Variants in NEDD4 observed in about 807,000 individuals in gnomAD.
The protein encoded by NEDD4 is E3 ubiquitin-protein ligase NEDD4.
NEDD4 carries 99 observed loss-of-function variants against 144.9 expected under a neutral mutation model. That is an observed-to-expected ratio of 0.68 (90% CI 0.58 to 0.81). NEDD4 has a LOEUF of 0.81. NEDD4 is among the 30% of genes least tolerant of loss of function. NEDD4 has a pLI of 0.00. For synonymous variants in NEDD4, 318 were observed against 350.6 expected (o/e 0.91, Z 1.04); for missense variants, 985 against 1,065.9 (o/e 0.92, Z 1.06).
Position 55,869,563 on chromosome 15 carries a change from A to G in NEDD4, c.507+16T>C. ...TAAAATTTTTTTAGTTTAACCAAATATTTATAAAATCTCACCTCTAATTCC... is the reference window on the plus strand; with the variant it reads ...TAAAATTTTTTTAGTTTAACCAAATGTTTATAAAATCTCACCTCTAATTCC... On this transcript the variant is annotated intron_variant, in intron 8 of 28. Coordinates refer to ENST00000435532, the MANE Select transcript of NEDD4 (RefSeq NM_006154.4). 2 of 1,495,542 alleles carry G rather than the reference A, an allele frequency of 1.3e-6. No individual in the cohort carries two copies. Among genetic ancestry groups the G allele is most frequent in the Non-Finnish European group, 9.1e-7 (1 of 1,103,340 alleles). 92.6% of individuals were successfully genotyped at this position (1,495,542 alleles called of 1,614,324 possible).
At chr15:55,959,415 C>G (rs1195660663) in intron 2 of NEDD4, among the ~76,000 whole-genome samples, 1 of 152,104 alleles carries the variant, frequency 6.6e-6, no homozygotes, top group Non-Finnish European at 1.5e-5. Context: ...CCTATGGACC[C>G]ACACATGGTC....
intron 4 of NEDD4, among the ~76,000 whole-genome samples, chr15:55,936,224 T>G: frequency 6.6e-6 from 1 of 152,156 alleles, no homozygotes; most frequent in African/African-American, 2.4e-5. Flanking sequence ...TCCATAAAGC[T>G]CAGCACACTG....
Position 55,829,994 on chromosome 15 carries a change from TTAAAAC to T in NEDD4, c.2601-1_2605del. On this transcript the variant is annotated splice_acceptor_variant and coding_sequence_variant, in exon 29 of 29. Transcript: ENST00000435532. LOFTEE classifies it high-confidence loss of function. ...TTCATAAGGTGGCAAGTCCAGGCGA[TTAAAAC>T]TGAAAGAACAGAGAGGAAGTGGTTA... 6 of 1,610,718 alleles carry T rather than the reference TTAAAAC, an allele frequency of 3.7e-6. No individual in the cohort carries two copies. The highest frequency in any genetic ancestry group is 5.1e-6 in the Non-Finnish European group (6 of 1,178,338).
chr15:55,849,138 G>A (rs1404311446), intron 14 of NEDD4, among the ~76,000 whole-genome samples: 2 of 152,074 alleles, frequency 1.3e-5, no homozygotes, highest in African/African-American at 2.4e-5. Context: ...CTTTTGCCCC[G>A]CTCTTTAGGA....
intron 5 of NEDD4, among the ~76,000 whole-genome samples, chr15:55,884,840 A>T (rs1162529956): frequency 1.3e-5 from 2 of 152,212 alleles, no homozygotes; most frequent in Admixed American, 1.3e-4. Flanking sequence ...TCGAAGAGGT[A>T]TTGTCTTTAA....
In NEDD4 at chr15:55,833,171, C is replaced by T. The variant is rs111381921; in HGVS notation, c.2431-67G>A. On this transcript the variant is annotated intron_variant, in intron 26 of 28. Transcript: ENST00000435532. ...AAGAGGTAAACAAATTATCCTGAAA[C>T]ATAAGCTATCGGAATTTAGAATATT... The T allele has an allele frequency of 4.4e-3, 4,281 of 967,436 alleles. 14 individuals are homozygous for T. Among genetic ancestry groups the T allele is most frequent in the Non-Finnish European group, 5.6e-3 (3,470 of 625,148 alleles). The allele number at this position is 967,436 out of a possible 1,614,324, so 59.9% of individuals were successfully genotyped here.
At chr15:55,957,316 T>A (rs1328785865) in intron 2 of NEDD4, among the ~76,000 whole-genome samples, 1 of 152,188 alleles carries the variant, frequency 6.6e-6, no homozygotes, top group African/African-American at 2.4e-5. Context: ...GGCTAAAATA[T>A]ATAGTACAAT....
intron 8 of NEDD4, among the ~76,000 whole-genome samples, chr15:55,864,582 T>A (rs1401649713): frequency 6.6e-6 from 1 of 150,732 alleles, no homozygotes; most frequent in Non-Finnish European, 1.5e-5. Flanking sequence ...TTCGGGAGGC[T>A]GAGGCAGGAG....
intron 5 of NEDD4, among the ~76,000 whole-genome samples, chr15:55,899,200 C>T (rs1432254211): frequency 6.6e-6 from 1 of 152,108 alleles, no homozygotes; most frequent in Non-Finnish European, 1.5e-5. Context: ...TTCTCTCTCT[C>T]TCTTTTTCAA....
chr15:55,966,358 A>G (rs2037512672), intron 2 of NEDD4, 115 bp downstream of exon 2: 2 of 630,700 alleles, frequency 3.2e-6, no homozygotes, highest in Non-Finnish European at 5.4e-6. Context: ...TATTATTATT[A>G]TACTTTCCAC....
At chr15:55,950,654 G>A (rs376419090) in intron 4 of NEDD4, among the ~76,000 whole-genome samples, 1 of 152,112 alleles carries the variant, frequency 6.6e-6, no homozygotes, top group East Asian at 1.9e-4. Context: ...GTGGGTTAAC[G>A]AGCGTCCCGG....
intron 4 of NEDD4, among the ~76,000 whole-genome samples, chr15:55,937,357 G>A (rs759092946): frequency 6.6e-6 from 1 of 152,132 alleles, no homozygotes; most frequent in Non-Finnish European, 1.5e-5. Context: ...AAATGACAAA[G>A]AGGAAAATAG....
chr15:55,874,117 T>TTAATAAATACTTA, intron 5 of NEDD4, 109 bp from the exon 6 acceptor site: 1 of 578,726 alleles, frequency 1.7e-6, no homozygotes, highest in Non-Finnish European at 3.1e-6. Flanking sequence ...TTTTTTTTAT[T>TTAATAAATACTTA]CAGTCATATG....
At chr15:55,966,398 A>T (rs1372477774) in intron 2 of NEDD4, 75 bp downstream of exon 2, 1 of 891,040 alleles carries the variant, frequency 1.1e-6, no homozygotes, top group African/African-American at 1.8e-5. Flanking sequence ...TTGATTTCTA[A>T]TTTAACCAAA....
At chr15:55,841,855 G>A (rs991332512) in intron 19 of NEDD4, 79 bp downstream of exon 19, 11 of 1,197,836 alleles carry the variant, frequency 9.2e-6, no homozygotes, top group Non-Finnish European at 8.6e-6. Flanking sequence ...ACAGGCATGA[G>A]CCACTGCACC....
chr15:55,926,088 ATAC>A (rs2036659634), intron 4 of NEDD4, among the ~76,000 whole-genome samples: 1 of 152,126 alleles, frequency 6.6e-6, no homozygotes, highest in African/African-American at 2.4e-5. Flanking sequence ...ATACATATAC[ATAC>A]TGTACATGTA....
intron 1 of NEDD4, among the ~76,000 whole-genome samples, chr15:55,968,788 G>A (rs1230139706): frequency 6.6e-6 from 1 of 152,134 alleles, no homozygotes; most frequent in Non-Finnish European, 1.5e-5. Flanking sequence ...CTAGATAAAT[G>A]TACATCTATG....
chr15:55,934,069 C>T (rs780585986), intron 4 of NEDD4, among the ~76,000 whole-genome samples: 3 of 152,196 alleles, frequency 2.0e-5, no homozygotes, highest in Non-Finnish European at 2.9e-5. Flanking sequence ...AGGAGAACAG[C>T]TTGAACCCAG....
chr15:55,936,894 G>A (rs913811285), intron 4 of NEDD4, among the ~76,000 whole-genome samples: 36 of 151,756 alleles, frequency 2.4e-4, no homozygotes, highest in African/African-American at 8.7e-4. Flanking sequence ...CCAGGTTCAA[G>A]TGATTCTCCT....
Sources: gnomAD v4.1 joint callset for allele counts (sites outside exome capture counted in the v4.1 genomes callset) on GRCh38, gnomAD v4.1.1 for gene constraint, MANE v1.5 for transcripts, NCBI Gene and HGNC (gene_info 2026-07-23, HGNC 2026-07-21) for gene names.